BSDC1: variants seen among roughly 807,000 people sequenced by gnomAD.
BSDC1 encodes BSD domain-containing protein 1.
Under a neutral mutation model 56.0 loss-of-function variants are expected in BSDC1, and 29 were observed. The observed-to-expected ratio is 0.52, with a 90% confidence interval of 0.39 to 0.71. The LOEUF (loss-of-function observed/expected upper bound fraction) is 0.71, where lower values mean the gene tolerates loss of function less well. Among genes scored for constraint, BSDC1 ranks in the 30% least tolerant of loss-of-function variants. BSDC1 has a pLI of 0.00. For synonymous variants in BSDC1, 210 were observed against 215.3 expected (o/e 0.98, Z 0.21); for missense variants, 477 against 548.5 (o/e 0.87, Z 1.30).
At position 32,377,978 on chromosome 1, in the gene BSDC1, T is replaced by TC; in HGVS notation, c.667dup (p.Glu223GlyfsTer29). 2 of 1,612,918 alleles carry TC rather than the reference T, an allele frequency of 1.2e-6. No homozygotes were observed. The highest frequency in any genetic ancestry group is 1.7e-6 in the Non-Finnish European group (2 of 1,179,404). On this transcript the variant is annotated frameshift_variant, in exon 8 of 11. Coordinates refer to ENST00000455895, the MANE Select transcript of BSDC1 (RefSeq NM_018045.8). LOFTEE classifies it high-confidence loss of function. ...CTCTCAACGCCTCTTACCTTCCTCC[T>TC]CCTCCCAGCCGGGCTCTTCAGAGAT...
At chr1:32,387,371 C>T (rs1034460331) in intron 2 of BSDC1, among the ~76,000 whole-genome samples, 6 of 150,928 alleles carry the variant, frequency 4.0e-5, no homozygotes, top group South Asian at 2.1e-4. Flanking sequence ...GACAGAGTCT[C>T]GCTCTCGTTG....
intron 9 of BSDC1, among the ~76,000 whole-genome samples, chr1:32,370,746 G>T (rs1243701771): frequency 1.5e-5 from 2 of 135,534 alleles, no homozygotes; most frequent in East Asian, 4.7e-4. Context: ...AGAGCTTGCA[G>T]TGAGCCAAGA....
chr1:32,366,852 G>A (rs1641873447), intron 10 of BSDC1, 198 bp from the exon 11 acceptor site: 5 of 1,318,334 alleles, frequency 3.8e-6, no homozygotes, highest in Non-Finnish European at 4.9e-6. Flanking sequence ...TGAGGGGTGG[G>A]CCTGATGCTC....
chr1:32,392,651 G>C (rs1557659638), intron 2 of BSDC1, among the ~76,000 whole-genome samples: 1 of 152,200 alleles, frequency 6.6e-6, no homozygotes, highest in Non-Finnish European at 1.5e-5. Context: ...TCTATCAAAT[G>C]TTAGGGTGCA....
chr1:32,368,458 C>T lies in BSDC1; in HGVS notation c.1249G>A (p.Ala417Thr). The change falls in exon 10 of 11, where the codon GCC becomes ACC. Residue 417 changes from alanine (A) to threonine (T), a missense_variant. By Grantham distance (58) the Ala-to-Thr change is moderately conservative (BLOSUM62 0). Transcript: ENST00000455895. ...EVQMALSKVD[A>T]SGELEDVEWE... ...CCAGGCCCACTCACCTCCCCGGAGG[C>T]ATCCACTTTGGAAAGTGCCATCTGC... The T allele has an allele frequency of 6.2e-7, 1 of 1,614,168 alleles. No individual in the cohort carries two copies.
Position 32,378,658 on chromosome 1 carries a change from T to C in BSDC1, c.528+66A>G. The C allele has an allele frequency of 1.8e-6, 2 of 1,122,752 alleles. No individual in the cohort carries two copies. Among genetic ancestry groups the C allele is most frequent in the East Asian group, 5.4e-5 (2 of 37,334 alleles). 69.5% of individuals were successfully genotyped at this position (1,122,752 alleles called of 1,614,324 possible). A position where few individuals can be genotyped will look rare whatever the true frequency, so the allele number is the denominator to read the frequency against. On this transcript the variant is annotated intron_variant, in intron 6 of 10. Transcript: ENST00000455895. This position sits in a 1 kb window ranked among gnomAD's most constrained non-coding sequence, Gnocchi z 5.2. ...GATGACTCTGCAGTGACTCTGAACA[T>C]GTCCCTCCCACCTCCCAACACCTCA...
At chr1:32,394,226 C>T (rs1642972999) in intron 1 of BSDC1, 86 bp from the exon 2 acceptor site, 1 of 1,567,456 alleles carries the variant, frequency 6.4e-7, no homozygotes, top group East Asian at 2.3e-5. Context: ...CAGATGTACC[C>T]TGCGGGCCGA....
chr1:32,374,575 T>C (rs1642207898), intron 9 of BSDC1: 1 of 152,228 alleles, frequency 6.6e-6, no homozygotes, highest in African/African-American at 2.4e-5. Context: ...TGGGAGAGAA[T>C]ACAGAAGAGT....
intron 5 of BSDC1, 50 bp downstream of exon 5, chr1:32,381,164 C>T (rs755732591): frequency 5.8e-5 from 92 of 1,596,802 alleles, no homozygotes; most frequent in African/African-American, 2.7e-5. Flanking sequence ...AACCCAGCCC[C>T]CTTAGTCTAC....
rs1010656740 is a variant in BSDC1, at chr1:32,367,038, T to C, written c.1261-384A>G. 9 of 1,011,036 alleles carry C rather than the reference T, an allele frequency of 8.9e-6. No individual in the cohort carries two copies. In the African/African-American group the frequency reaches 1.5e-4, roughly 17 times the overall value. 62.6% of individuals were successfully genotyped at this position (1,011,036 alleles called of 1,614,324 possible). ...GAACTCAGGAGGCCTGAGCAGATACTTGGCCCTGGACACAAAAGACCAGTG... is the reference window on the plus strand; with the variant it reads ...GAACTCAGGAGGCCTGAGCAGATACCTGGCCCTGGACACAAAAGACCAGTG... On this transcript the variant is annotated intron_variant, in intron 10 of 10. Transcript: ENST00000455895.
chr1:32,387,007 G>A (rs1642696186), intron 2 of BSDC1, 112 bp from the exon 3 acceptor site: 3 of 799,614 alleles, frequency 3.8e-6, no homozygotes. Context: ...CAGCGGCAGG[G>A]GAGCTTCGGC....
chr1:32,379,788 A>G (rs913702530), intron 5 of BSDC1, among the ~76,000 whole-genome samples: 7 of 152,106 alleles, frequency 4.6e-5, no homozygotes, highest in African/African-American at 1.7e-4. Context: ...TGTCCTCTTC[A>G]TGCCAACTGA....
At chr1:32,371,873 T>C (rs1434402067) in intron 9 of BSDC1, among the ~76,000 whole-genome samples, 1 of 151,950 alleles carries the variant, frequency 6.6e-6, no homozygotes, top group African/African-American at 2.4e-5. Context: ...GGCAAATTAT[T>C]GTTGGCTTCA....
intron 9 of BSDC1, among the ~76,000 whole-genome samples, chr1:32,370,599 C>T (rs951333315): frequency 1.3e-4 from 19 of 151,610 alleles, no homozygotes; most frequent in African/African-American, 4.4e-4. Context: ...GTCAGAAGAT[C>T]GAGACCACCC....
intron 4 of BSDC1, 148 bp from the exon 5 acceptor site, chr1:32,381,416 T>G: frequency 6.4e-6 from 5 of 783,090 alleles, no homozygotes; most frequent in Non-Finnish European, 1.1e-5. Flanking sequence ...ATTAGCACTG[T>G]GGCACAGAGA....
rs1437430995 is a variant in BSDC1 at position 32,370,875 on chromosome 1, T to C, written c.1157-2325A>G. The stretch of plus-strand genomic sequence containing the variant: ...CATTTGTTTACATACTGTCTATGGC[T>C]GCTTTCATGCTGCAAGAGCGGAGAT... On this transcript the variant is annotated intron_variant, in intron 9 of 10. Transcript: ENST00000455895. Among the ~76,000 whole-genome samples the C allele has an allele frequency of 3.3e-5, 5 of 150,800 alleles. No individual in the cohort carries two copies. The East Asian group carries it at 7.8e-4, about 24-fold the overall frequency.
At chr1:32,387,416 A>G (rs1642711566) in intron 2 of BSDC1, among the ~76,000 whole-genome samples, 1 of 150,946 alleles carries the variant, frequency 6.6e-6, no homozygotes, top group Non-Finnish European at 1.5e-5. Context: ...ATCTCGGCTC[A>G]CCGCAACCTC....
intron 3 of BSDC1, 156 bp downstream of exon 3, chr1:32,386,623 G>C: frequency 2.0e-6 from 1 of 506,588 alleles, no homozygotes; most frequent in Non-Finnish European, 3.4e-6. Context: ...CAGCTTGTTT[G>C]GTTGCCAGAC....
intron 5 of BSDC1, among the ~76,000 whole-genome samples, chr1:32,379,843 TA>T (rs1642421956): frequency 6.6e-6 from 1 of 152,226 alleles, no homozygotes; most frequent in Non-Finnish European, 1.5e-5. Context: ...GATTCCTACC[TA>T]GCCTCCTAAC....
Sources: allele counts gnomAD v4.1 joint callset (sites outside exome capture counted in the v4.1 genomes callset), GRCh38; gene constraint gnomAD v4.1.1; non-coding constraint Gnocchi (gnomAD v3.1); transcripts MANE v1.5; gene names NCBI Gene and HGNC (gene_info 2026-07-23, HGNC 2026-07-21).